Variants in SMAD3 observed in about 807,000 individuals in gnomAD.
SMAD3 encodes the protein MAD homolog 3.
In SMAD3, 12 loss-of-function variants were observed where a neutral mutation model predicts 51.8. The ratio of observed to expected loss-of-function variants is 0.23; its 90% confidence interval spans 0.15 to 0.38. SMAD3 has a LOEUF of 0.38. Ranked by LOEUF, SMAD3 falls within the 10% of genes least tolerant of loss-of-function variation. SMAD3 has a pLI of 1.00. For missense variants in SMAD3, 294 were observed against 565.6 expected (o/e 0.52, Z 4.87); for synonymous variants, 238 against 227.7 (o/e 1.05, Z -0.41).
chr15:67,083,682 A>G (rs1272231353), intron 1 of SMAD3, among the ~76,000 whole-genome samples: 1 of 152,136 alleles, frequency 6.6e-6, no homozygotes, highest in Non-Finnish European at 1.5e-5. Context: ...AGTTCTCCAG[A>G]GCTAGGGACC....
At chr15:67,178,116 CTG>C (rs780343162) in intron 5 of SMAD3, among the ~76,000 whole-genome samples, 6 of 152,174 alleles carry the variant, frequency 3.9e-5, no homozygotes, top group South Asian at 2.1e-4. Flanking sequence ...CGGTGTGTGT[CTG>C]TGAGTTGCAG....
rs139907582 is a variant in SMAD3, at chr15:67,181,329, C to T, written c.747C>T (p.His249=). 65 of 1,614,118 alleles carry T rather than the reference C, an allele frequency of 4.0e-5. No homozygotes were observed. The African/African-American group carries it at 5.9e-4, about 15-fold the overall frequency. Residue 249 remains histidine (H), a synonymous_variant, in exon 6 of 9, where the codon CAC becomes CAT. Coordinates refer to ENST00000327367, the MANE Select transcript of SMAD3 (RefSeq NM_005902.4). The part of the protein sequence containing the change: ...ELNQRVGETF[H]ASQPSMTVDG... Reference sequence around the variant, plus strand: ...ACCAGCGCGTCGGGGAGACATTCCACGCCTCGCAGCCATCCATGACTGTGG... The same window carrying T: ...ACCAGCGCGTCGGGGAGACATTCCATGCCTCGCAGCCATCCATGACTGTGG...
chr15:67,145,777 G>T (rs1002525733), intron 1 of SMAD3, among the ~76,000 whole-genome samples: 4 of 152,214 alleles, frequency 2.6e-5, no homozygotes, highest in African/African-American at 9.6e-5. Flanking sequence ...AGGTGGTAAG[G>T]AGAGGAGCCA....
At chr15:67,134,190 A>T (rs894715805) in intron 1 of SMAD3, among the ~76,000 whole-genome samples, 1 of 151,704 alleles carries the variant, frequency 6.6e-6, no homozygotes, top group Non-Finnish European at 1.5e-5. Context: ...CCAAGGCTCA[A>T]CCCCTGCAAC....
In SMAD3 at chr15:67,066,078, C is replaced by G; in HGVS notation, c.-77C>G. 9.1e-7 allele frequency: 1 copy of G among 1,101,606 alleles called. No homozygotes were observed. Among genetic ancestry groups the G allele is most frequent in the South Asian group, 1.5e-5 (1 of 65,430 alleles). The allele number at this position is 1,101,606 out of a possible 1,614,324, so 68.2% of individuals were successfully genotyped here. On this transcript the variant is annotated 5_prime_UTR_variant, in exon 1 of 9. Coordinates refer to ENST00000327367, the MANE Select transcript of SMAD3 (RefSeq NM_005902.4). ...ACCGCGGCAGGCCCCGGCCGAGCTC[C>G]CCTCTGCGCCCCCGGCGTCCCGTCG...
chr15:67,146,026 AAGT>A (rs1961966229), intron 1 of SMAD3: 1 of 152,200 alleles, frequency 6.6e-6, no homozygotes, highest in Admixed American at 6.5e-5. Context: ...TACAGGATTA[AAGT>A]ATTTAAATAT....
At chr15:67,074,114 T>C (rs1960115957) in intron 1 of SMAD3, among the ~76,000 whole-genome samples, 1 of 152,250 alleles carries the variant, frequency 6.6e-6, no homozygotes, top group African/African-American at 2.4e-5. Context: ...AAAATTGTAA[T>C]TCAGCCTTTA....
chr15:67,115,796 A>G (rs565175452), intron 1 of SMAD3, among the ~76,000 whole-genome samples: 2 of 152,362 alleles, frequency 1.3e-5, no homozygotes, highest in African/African-American at 4.8e-5. Flanking sequence ...AGCACTCACA[A>G]GGGTAACACT....
chr15:67,100,267 C>T (rs1960721482), intron 1 of SMAD3, among the ~76,000 whole-genome samples: 1 of 149,946 alleles, frequency 6.7e-6, no homozygotes, highest in African/African-American at 2.5e-5. Flanking sequence ...AGAATTCAGA[C>T]ATCAAAAGCC....
intron 7 of SMAD3, 134 bp from the exon 8 acceptor site, chr15:67,187,231 C>T (rs1045137531): frequency 2.6e-5 from 27 of 1,032,346 alleles, no homozygotes; most frequent in African/African-American, 7.8e-5. Flanking sequence ...GTGGCAAATG[C>T]ATCACACACC....
chr15:67,157,471 C>T (rs1962314344), intron 1 of SMAD3, among the ~76,000 whole-genome samples: 1 of 152,216 alleles, frequency 6.6e-6, no homozygotes, highest in Non-Finnish European at 1.5e-5. Flanking sequence ...GGCAAGCCTC[C>T]TGAGTTCTCT....
chr15:67,156,147 AC>A (rs927824065), intron 1 of SMAD3, among the ~76,000 whole-genome samples: 10 of 152,152 alleles, frequency 6.6e-5, no homozygotes, highest in African/African-American at 2.4e-4. Flanking sequence ...GTGTGTATGT[AC>A]CAGTGTGGGT....
intron 1 of SMAD3, among the ~76,000 whole-genome samples, chr15:67,131,619 C>T (rs1961527918): frequency 1.3e-5 from 2 of 152,146 alleles, no homozygotes; most frequent in African/African-American, 4.8e-5. Context: ...GAGACTTGGA[C>T]CTTTCTGAAC....
intron 1 of SMAD3, among the ~76,000 whole-genome samples, chr15:67,154,435 C>T (rs1351577557): frequency 1.3e-5 from 2 of 152,194 alleles, no homozygotes; most frequent in Admixed American, 1.3e-4. Flanking sequence ...AGCACACTTA[C>T]AGAACTTGTT....
Position 67,150,399 on chromosome 15 carries a change from G to C in SMAD3, c.207-14496G>C, listed in dbSNP as rs1265174014. On this transcript the variant is annotated intron_variant, in intron 1 of 8. Coordinates refer to ENST00000327367, the MANE Select transcript of SMAD3 (RefSeq NM_005902.4). ...CTTTGGAAACTTTAAGATTTGTTTT[G>C]ATAGAACAAGGCCGCCAGTTATCAT... 3.3e-5 allele frequency among the ~76,000 whole-genome samples: 5 copies of C among 152,088 alleles called. No individual in the cohort carries two copies. In the East Asian group the frequency reaches 9.6e-4, roughly 29 times the overall value.
chr15:67,092,840 A>C (rs1960535950), intron 1 of SMAD3, among the ~76,000 whole-genome samples: 3 of 152,184 alleles, frequency 2.0e-5, no homozygotes, highest in Admixed American at 6.5e-5. Flanking sequence ...GTTAAATGTA[A>C]TAACAGGCAC....
At chr15:67,176,453 C>T in intron 5 of SMAD3, among the ~76,000 whole-genome samples, 1 of 152,208 alleles carries the variant, frequency 6.6e-6, no homozygotes, top group East Asian at 1.9e-4. Flanking sequence ...CTGTTTTGAC[C>T]TTTCGTCTTG....
intron 5 of SMAD3, among the ~76,000 whole-genome samples, chr15:67,171,241 C>T (rs952647088): frequency 2.6e-5 from 4 of 152,026 alleles, no homozygotes; most frequent in African/African-American, 9.7e-5. Flanking sequence ...AACACGTTTC[C>T]GTATTTAGGT....
intron 1 of SMAD3, chr15:67,098,801 A>G (rs1960679367): frequency 2.9e-6 from 2 of 686,912 alleles, no homozygotes; most frequent in Non-Finnish European, 5.3e-6. Context: ...GGTCCTACGC[A>G]TCCCCAGCGG....
Sources: gnomAD v4.1 joint callset for allele counts (sites outside exome capture counted in the v4.1 genomes callset) on GRCh38, gnomAD v4.1.1 for gene constraint, MANE v1.5 for transcripts, NCBI Gene and HGNC (gene_info 2026-07-23, HGNC 2026-07-21) for gene names.